EIF3H: variants seen among roughly 807,000 people sequenced by gnomAD.
EIF3H encodes the protein eIF-3-gamma.
A neutral mutation model predicts 44.2 loss-of-function variants in EIF3H; 26 were observed. That is an observed-to-expected ratio of 0.59 (90% CI 0.43 to 0.82). EIF3H has a LOEUF of 0.82. Ranked by LOEUF, EIF3H falls within the 40% of genes least tolerant of loss-of-function variation. The pLI is 0.00. For synonymous variants in EIF3H, 166 were observed against 151.9 expected (o/e 1.09, Z -0.68); for missense variants, 359 against 432.8 (o/e 0.83, Z 1.51).
Position 116,709,163 on chromosome 8 carries a change from C to T in EIF3H, c.289+16853G>A, listed in dbSNP as rs572980281. 1.6e-4 allele frequency among the ~76,000 whole-genome samples: 25 copies of T among 152,206 alleles called. 1 individual carries two copies. The highest frequency in any genetic ancestry group is 4.1e-4 in the African/African-American group (17 of 41,540). ...TGGCTCAGGCTTATCATATATGGTA[C>T]TCATTACCACAATTGCACTATTTAA... On this transcript the variant is annotated intron_variant, in intron 2 of 7. Transcript: ENST00000521861.
At chr8:116,756,411 T>C (rs1815450479), upstream of EIF3H, among the ~76,000 whole-genome samples, 1 of 152,248 alleles carries the variant, frequency 6.6e-6, no homozygotes, top group African/African-American at 2.4e-5. Flanking sequence ...TGAGGTATTG[T>C]TGAAGGATGA....
At chr8:116,723,700 T>C (rs1814790406) in intron 2 of EIF3H, among the ~76,000 whole-genome samples, 1 of 151,944 alleles carries the variant, frequency 6.6e-6, no homozygotes, top group Admixed American at 6.6e-5. Context: ...ATATCAAAAA[T>C]GACAAAAAGG....
intron 2 of EIF3H, among the ~76,000 whole-genome samples, chr8:116,722,989 C>T (rs1469001595): frequency 5.9e-5 from 9 of 152,050 alleles, no homozygotes; most frequent in South Asian, 4.1e-4. Context: ...ACTTCAAGCT[C>T]GTAAAAGAAG....
intron 1 of EIF3H, among the ~76,000 whole-genome samples, chr8:116,732,586 T>C (rs1814968563): frequency 6.6e-6 from 1 of 152,236 alleles, no homozygotes; most frequent in Non-Finnish European, 1.5e-5. Flanking sequence ...GACCAGTAAC[T>C]ACAGAAAGAT....
intron 1 of EIF3H, among the ~76,000 whole-genome samples, chr8:116,744,745 T>C (rs1418672045): frequency 1.3e-5 from 2 of 152,202 alleles, no homozygotes; most frequent in Non-Finnish European, 2.9e-5. Flanking sequence ...CGAAAAACAT[T>C]ATAAACTAAT....
intron 1 of EIF3H, among the ~76,000 whole-genome samples, chr8:116,747,938 C>T (rs1815265674): frequency 6.6e-6 from 1 of 151,994 alleles, no homozygotes; most frequent in South Asian, 2.1e-4. Context: ...GGTGAAACCC[C>T]GTCTCTACTA....
intron 2 of EIF3H, among the ~76,000 whole-genome samples, chr8:116,684,437 G>A (rs766538495): frequency 3.3e-5 from 5 of 152,118 alleles, no homozygotes; most frequent in African/African-American, 7.2e-5. Flanking sequence ...CAAAAGACAC[G>A]GTGATTCTTC....
At chr8:116,664,791 C>A (rs189012735) in intron 2 of EIF3H, among the ~76,000 whole-genome samples, 1 of 152,282 alleles carries the variant, frequency 6.6e-6, no homozygotes, top group Admixed American at 6.5e-5. Context: ...ATTTAAGAAT[C>A]TACCATCTAA....
At chr8:116,688,500 TAA>T (rs1814117520) in intron 2 of EIF3H, among the ~76,000 whole-genome samples, 1 of 151,970 alleles carries the variant, frequency 6.6e-6, no homozygotes, top group African/African-American at 2.4e-5. Context: ...AAGCAAGACA[TAA>T]AAGATATACT....
chr8:116,648,799 T>C lies in EIF3H; in HGVS notation c.828+7A>G. 1 of 1,598,198 alleles carries C rather than the reference T, an allele frequency of 6.3e-7. No individual in the cohort carries two copies. Among genetic ancestry groups the C allele is most frequent in the Non-Finnish European group, 8.5e-7 (1 of 1,173,120 alleles). ...AGCTGTTTGTTGAATTTTTCCACAATACCAACCTGATGTTTCTGCTGCTGT... is the reference window on the plus strand; with the variant it reads ...AGCTGTTTGTTGAATTTTTCCACAACACCAACCTGATGTTTCTGCTGCTGT... On this transcript the variant is annotated splice_region_variant and intron_variant, in intron 6 of 7. Transcript: ENST00000521861.
chr8:116,729,465 A>G, intron 1 of EIF3H, among the ~76,000 whole-genome samples: 1 of 152,254 alleles, frequency 6.6e-6, no homozygotes, highest in South Asian at 2.1e-4. Context: ...GTAACCAAAC[A>G]GCACACCAGG....
intron 2 of EIF3H, among the ~76,000 whole-genome samples, chr8:116,698,351 T>C (rs1209568156): frequency 1.3e-5 from 2 of 152,262 alleles, no homozygotes; most frequent in African/African-American, 4.8e-5. Flanking sequence ...GAGTGACAAG[T>C]TAGATGTCAC....
chr8:116,722,198 A>G (rs1406588107), intron 2 of EIF3H, among the ~76,000 whole-genome samples: 1 of 152,148 alleles, frequency 6.6e-6, no homozygotes, highest in East Asian at 1.9e-4. Flanking sequence ...AATAAGCCTC[A>G]CGAGATCTGA....
In EIF3H at chr8:116,652,965, T is replaced by C. The variant is rs528857444; in HGVS notation, c.707+2891A>G. Among the ~76,000 whole-genome samples the C allele has an allele frequency of 5.3e-5, 8 of 152,200 alleles. No individual in the cohort carries two copies. In the South Asian group the frequency reaches 1.7e-3, roughly 32 times the overall value. ...ATAGGAAATGTCGTTAGCTACATGA[T>C]TAGTTGTTAAGTCATTTATGTCATT... On this transcript the variant is annotated intron_variant, in intron 5 of 7. Coordinates refer to ENST00000521861, the MANE Select transcript of EIF3H (RefSeq NM_003756.3).
chr8:116,665,480 GTTCT>G (rs1586440280), intron 2 of EIF3H, among the ~76,000 whole-genome samples: 1 of 151,958 alleles, frequency 6.6e-6, no homozygotes, highest in African/African-American at 2.4e-5. Context: ...TCTAGTACAT[GTTCT>G]TTGCAGCAAA....
At chr8:116,720,282 G>A (rs977795884) in intron 2 of EIF3H, among the ~76,000 whole-genome samples, 1 of 151,748 alleles carries the variant, frequency 6.6e-6, no homozygotes, top group Non-Finnish European at 1.5e-5. Flanking sequence ...TTCAATTGTT[G>A]TAATGTTTTT....
chr8:116,684,920 C>A (rs867143353), intron 2 of EIF3H, among the ~76,000 whole-genome samples: 8 of 152,132 alleles, frequency 5.3e-5, no homozygotes, highest in Non-Finnish European at 8.8e-5. Flanking sequence ...GTATGTAAAT[C>A]ATAAATATTT....
At chr8:116,698,083 C>T (rs1467383639) in intron 2 of EIF3H, among the ~76,000 whole-genome samples, 1 of 152,172 alleles carries the variant, frequency 6.6e-6, no homozygotes, top group Non-Finnish European at 1.5e-5. Context: ...TGCACCAAGT[C>T]TGTTTAACTC....
At position 116,755,761 on chromosome 8, in the gene EIF3H, T is replaced by C. The variant is rs777162244; in HGVS notation, c.37A>G (p.Thr13Ala). The change falls in exon 1 of 8, where the codon ACC (threonine) becomes GCC (alanine). Residue 13 changes from threonine (T) to alanine (A), a missense_variant. This residue lies in a region of EIF3H where 59 missense variants were observed against 33.5 expected (regional missense o/e 1.76). Transcript: ENST00000521861. Reference sequence around the variant, plus strand: ...GCGCCGGCGGTGGAGCTGGAAGAGGTGGCAGTAGAGCCGGTACCTTCCTTG... The same window carrying C: ...GCGCCGGCGGTGGAGCTGGAAGAGGCGGCAGTAGAGCCGGTACCTTCCTTG... The part of the protein sequence containing the change: ...SRKEGTGSTA[T>A]SSSSTAGAAG... 6.2e-6 allele frequency: 10 copies of C among 1,613,856 alleles called. No homozygotes were observed. In the South Asian group the frequency reaches 9.9e-5, roughly 16 times the overall value.
Sources: allele counts gnomAD v4.1 joint callset (sites outside exome capture counted in the v4.1 genomes callset), GRCh38; gene constraint gnomAD v4.1.1; regional missense constraint gnomAD v4.1.1; transcripts MANE v1.5; gene names NCBI Gene and HGNC (gene_info 2026-07-23, HGNC 2026-07-21).